The following MYL5 variants were observed in gnomAD, a reference collection of about 807,000 sequenced individuals.
MYL5 encodes myosin regulatory light chain 5.
A neutral mutation model predicts 20.8 loss-of-function variants in MYL5; 28 were observed. The observed-to-expected ratio is 1.35, with a 90% CI of 1.00 to 1.84. The LOEUF (loss-of-function observed/expected upper bound fraction) is 1.84, where lower values mean the gene tolerates loss of function less well. MYL5 is among the 40% of genes most tolerant of loss of function. The probability of loss-of-function intolerance (pLI) is 0.00; values close to 1 mark genes in which losing one functional copy is unlikely to be tolerated. For missense variants in MYL5, 274 were observed against 227.3 expected, an observed-to-expected ratio of 1.21 and a Z score of -1.32; for synonymous variants, 118 against 87.4, an observed-to-expected ratio of 1.35 and a Z score of -1.95.
upstream of MYL5, among the ~76,000 whole-genome samples, chr4:677,546 G>A (rs1459832042): frequency 1.3e-5 from 2 of 152,354 alleles, no homozygotes; most frequent in East Asian, 1.9e-4. Flanking sequence ...CACCAAGGCA[G>A]GGAGGGGCGT....
In MYL5 at chr4:679,897, C is replaced by T. The variant is rs778043501; in HGVS notation, c.188-17C>T. 15 of 1,612,058 alleles carry T rather than the reference C, an allele frequency of 9.3e-6. 1 individual carries two copies. In the South Asian group the frequency reaches 1.2e-4, roughly 13 times the overall value. ...GGCAACAAGCCCTGCCCTGTGATGC[C>T]CCCATGTCTGTAACAGGCAAGACCA... On this transcript the variant is annotated splice_polypyrimidine_tract_variant and intron_variant, in intron 3 of 6. Transcript: ENST00000400159.
chr4:681,680 GCC>G, intron 6 of MYL5: 1 of 15,660 alleles, frequency 6.4e-5, no homozygotes, highest in Non-Finnish European at 1.2e-4. Flanking sequence ...CTCCAGCGCC[GCC>G]CCGCCCCCTC....
chr4:678,312 C>T (rs888666209), intron 1 of MYL5: 18 of 1,428,940 alleles, frequency 1.3e-5, no homozygotes, highest in Non-Finnish European at 1.6e-5. Context: ...TCACAAAATC[C>T]CGGTACCCAG....
intron 3 of MYL5, 32 bp downstream of exon 5, chr4:679,065 T>C (rs1400131441): frequency 6.3e-7 from 1 of 1,596,530 alleles, no homozygotes. Flanking sequence ...CTCAGAGCCC[T>C]TGGAGGAGGC....
chr4:680,906 C>T (rs1291329608), intron 5 of MYL5, 186 bp from the exon 8 acceptor site: 2 of 694,450 alleles, frequency 2.9e-6, no homozygotes, highest in Non-Finnish European at 4.8e-6. Context: ...CCATCAGCGG[C>T]TCCCCCAGAA....
chr4:678,239 A>G (rs2109330591), intron 1 of MYL5: 2 of 1,481,770 alleles, frequency 1.3e-6, no homozygotes, highest in Non-Finnish European at 1.8e-6. Context: ...TGTTGTGGGA[A>G]GTACGTGCCT....
intron 3 of MYL5, 95 bp from the exon 6 acceptor site, chr4:679,819 C>A: frequency 1.3e-5 from 13 of 975,876 alleles, no homozygotes; most frequent in East Asian, 2.5e-5. Context: ...CCCCACCCTT[C>A]CCATCTGCCT....
At chr4:678,681 G>A (rs760008853) in exon 2 of MYL5, 1 of 1,610,768 alleles carries the variant, frequency 6.2e-7, no homozygotes, top group South Asian at 1.1e-5. Context: ...CCAAGAAGAA[G>A]GAAGGGGGTG....
upstream of MYL5, chr4:674,566 G>A (rs984976527): frequency 4.5e-6 from 2 of 442,926 alleles, no homozygotes; most frequent in Non-Finnish European, 8.1e-6. Context: ...CTGGGGGTCC[G>A]CTGTTTCCCC....
In MYL5 at chr4:678,286, A is replaced by G. The variant is rs114941799; in HGVS notation, c.3+257A>G. On this transcript the variant is annotated intron_variant, in intron 1 of 6. Coordinates refer to ENST00000400159, the Ensembl canonical transcript of MYL5. Reference sequence around the variant, plus strand: ...CCTGGTGAGAGTCCGGAGCAGGATGAGGGGGTTCCTGGCTTTCACAAAATC... The same window carrying G: ...CCTGGTGAGAGTCCGGAGCAGGATGGGGGGGTTCCTGGCTTTCACAAAATC... The G allele has an allele frequency of 3.7e-3, 5,301 of 1,440,966 alleles. 16 individuals are homozygous for G. The highest frequency in any genetic ancestry group is 8.2e-3 in the Middle Eastern group (32 of 3,886). The allele number at this position is 1,440,966 out of a possible 1,614,324, so 89.3% of individuals were successfully genotyped here. A position where few individuals can be genotyped will look rare whatever the true frequency, so the allele number is the denominator to read the frequency against.
At chr4:681,901 G>A in exon 7 of MYL5, 1 of 1,316,930 alleles carries the variant, frequency 7.6e-7, no homozygotes, top group South Asian at 2.8e-5. Context: ...AGGTGGACCA[G>A]ATGTTCCAGT....
intron 5 of MYL5, 75 bp downstream of exon 7, chr4:680,662 GTCAGCCACCA>G: frequency 1.3e-6 from 2 of 1,488,402 alleles, no homozygotes; most frequent in African/African-American, 1.4e-5. Context: ...AAAAGGGACA[GTCAGCCACCA>G]GATGCCACGC....
intron 6 of MYL5, 48 bp downstream of exon 8, chr4:681,188 T>C (rs1268382569): frequency 2.5e-6 from 4 of 1,575,056 alleles, no homozygotes; most frequent in Non-Finnish European, 3.4e-6. Context: ...AGGGCGGGGC[T>C]CCCGGGGTCA....
rs28531889 is a variant in MYL5 at position 678,892 on chromosome 4, G to A, written c.112-66G>A. On this transcript the variant is annotated intron_variant, in intron 2 of 6. Coordinates refer to ENST00000400159, the Ensembl canonical transcript of MYL5. ...CCTCAGTCAGGGGTGCTGAGGAACC[G>A]GGAGCAGGGGGCGGGGCAGAGCCCA... 4.0e-3 allele frequency: 6,399 copies of A among 1,609,060 alleles called. 197 individuals are homozygous for A. The African/African-American group carries it at 0.074, about 19-fold the overall frequency.
chr4:677,596 G>A (rs943942488), upstream of MYL5, among the ~76,000 whole-genome samples: 4 of 152,190 alleles, frequency 2.6e-5, no homozygotes, highest in African/African-American at 7.2e-5. Context: ...GCAGAAGCCC[G>A]GTGACCAGCT....
chr4:675,349 C>CT (rs1464099062), upstream of MYL5: 1 of 152,414 alleles, frequency 6.6e-6, no homozygotes, highest in Non-Finnish European at 1.5e-5. Flanking sequence ...CTCGGGCCCC[C>CT]TTTGGCCCCA....
intron 5 of MYL5, 91 bp from the exon 8 acceptor site, chr4:681,001 A>G: frequency 7.0e-7 from 1 of 1,427,654 alleles, no homozygotes; most frequent in Non-Finnish European, 9.6e-7. Flanking sequence ...GTGAGCGAGT[A>G]CAACCTGGGG....
Position 681,862 on chromosome 4 carries a change from C to CCGCAAGGAGCCCTTT in MYL5, c.421-27_421-13dup, listed in dbSNP as rs776782050. On this transcript the variant is annotated intron_variant, in intron 6 of 6. Coordinates refer to ENST00000400159, the Ensembl canonical transcript of MYL5. The stretch of plus-strand genomic sequence containing the variant: ...CGCGCTTGTAATTCGCTCCCGGAGC[C>CCGCAAGGAGCCCTTT]CGCAAGGAGCCCTTTCGCCCCCGCC... 3 of 1,307,646 alleles carry CCGCAAGGAGCCCTTT rather than the reference C, an allele frequency of 2.3e-6. No individual in the cohort carries two copies. In the African/African-American group the frequency reaches 4.6e-5, roughly 20 times the overall value. The allele number at this position is 1,307,646 out of a possible 1,614,324, so 81.0% of individuals were successfully genotyped here.
chr4:678,937 A>C (rs1739140442), intron 2 of MYL5, 21 bp from the exon 5 acceptor site: 2 of 1,613,108 alleles, frequency 1.2e-6, no homozygotes, highest in African/African-American at 2.7e-5. Flanking sequence ...GCAGCACAGC[A>C]GCCCTGACCT....
Sources: allele counts gnomAD v4.1 joint callset (sites outside exome capture counted in the v4.1 genomes callset), GRCh38; gene constraint gnomAD v4.1.1; transcripts MANE v1.5; gene names NCBI Gene and HGNC (gene_info 2026-07-23, HGNC 2026-07-21).